Variants in FAM124A observed in about 807,000 individuals in gnomAD.
The protein encoded by FAM124A is family with sequence similarity 124 member A.
A neutral mutation model predicts 24.5 loss-of-function variants in FAM124A; 23 were observed. The ratio of observed to expected loss-of-function variants is 0.94; its 90% CI spans 0.68 to 1.33. The LOEUF is 1.33. Among genes scored for constraint, FAM124A ranks in the 40% most tolerant of loss-of-function variants. The pLI is 0.00. For synonymous variants in FAM124A, 287 were observed against 314.7 expected, an observed-to-expected ratio of 0.91 and a Z score of 0.93; for missense variants, 623 against 722.8, an observed-to-expected ratio of 0.86 and a Z score of 1.58.
At chr13:51,241,482 G>T (rs950666974) in intron 2 of FAM124A, among the ~76,000 whole-genome samples, 5 of 152,178 alleles carry the variant, frequency 3.3e-5, no homozygotes, top group African/African-American at 9.7e-5. Flanking sequence ...AAAGGAGAAA[G>T]CCCTGAACTG....
Position 51,280,591 on chromosome 13 carries a change from C to T in FAM124A, c.976C>T (p.Pro326Ser). ...CAGCCAGCAGTCCCCGCTCAACAGT[C>T]CTCACCCGGGGCCCATCCGGACAGG... is the stretch of plus-strand genomic sequence containing the variant. The part of the protein sequence containing the change: ...GSSQQSPLNS[P>S]HPGPIRTGLP... The change falls in exon 4 of 4, where the codon CCT becomes TCT. Residue 326 changes from proline (P) to serine (S), a missense_variant. Transcript: ENST00000322475. 2 of 1,614,198 alleles carry T rather than the reference C, an allele frequency of 1.2e-6. No individual in the cohort carries two copies. Among genetic ancestry groups the T allele is most frequent in the East Asian group, 2.2e-5 (1 of 44,884 alleles).
chr13:51,274,911 A>G (rs1373030415), intron 3 of FAM124A, among the ~76,000 whole-genome samples: 1 of 152,180 alleles, frequency 6.6e-6, no homozygotes, highest in African/African-American at 2.4e-5. Context: ...AATATCTCCT[A>G]TTTGTTGGAG....
chr13:51,277,810 A>T (rs1435330602), intron 3 of FAM124A, among the ~76,000 whole-genome samples: 1 of 104,250 alleles, frequency 9.6e-6, no homozygotes, highest in Non-Finnish European at 1.8e-5. Context: ...GAGAGAAAGG[A>T]TTCTATCCAT....
rs1954961143 is a variant in FAM124A, at chr13:51,283,742, T to A, written c.*2486T>A. 1 of 105,724 alleles carries A rather than the reference T, an allele frequency of 9.5e-6. No homozygotes were observed. Among genetic ancestry groups the A allele is most frequent in the Non-Finnish European group, 1.8e-5 (1 of 56,726 alleles). 6.5% of individuals were successfully genotyped at this position (105,724 alleles called of 1,614,324 possible). ...ACCTCCAATGAACAGGGAAGCAAGT[T>A]CATCAGTAACAAAAGTCAGTGAGGC... On this transcript the variant is annotated 3_prime_UTR_variant, in exon 4 of 4. Coordinates refer to ENST00000322475, the MANE Select transcript of FAM124A (RefSeq NM_001242312.2).
chr13:51,229,940 G>T (rs1954357194), intron 1 of FAM124A, among the ~76,000 whole-genome samples: 1 of 152,132 alleles, frequency 6.6e-6, no homozygotes. Context: ...GTGCTAGCCA[G>T]TCAATCCCTT....
chr13:51,276,957 G>T (rs545442466), intron 3 of FAM124A, among the ~76,000 whole-genome samples: 1 of 152,210 alleles, frequency 6.6e-6, no homozygotes, highest in Admixed American at 6.5e-5. Flanking sequence ...CAGGGCTCCT[G>T]GGGGAGGGGC....
intron 2 of FAM124A, among the ~76,000 whole-genome samples, chr13:51,240,493 G>A (rs948427421): frequency 1.3e-5 from 2 of 152,160 alleles, no homozygotes; most frequent in Non-Finnish European, 2.9e-5. Flanking sequence ...AGATAATTGG[G>A]CCTTTCTCTA....
chr13:51,246,398 G>A (rs1248468169), intron 2 of FAM124A, among the ~76,000 whole-genome samples: 1 of 125,040 alleles, frequency 8.0e-6, no homozygotes, highest in African/African-American at 2.8e-5. Flanking sequence ...CATGTTTCTC[G>A]TGGGGTGGGG....
rs1327752500 is a variant in FAM124A, at chr13:51,272,888, C to T, written c.835-7562C>T. Among the ~76,000 whole-genome samples, 1 of 152,206 alleles carries T rather than the reference C, an allele frequency of 6.6e-6. No individual in the cohort carries two copies. Among genetic ancestry groups the T allele is most frequent in the African/African-American group, 2.4e-5 (1 of 41,446 alleles). On this transcript the variant is annotated intron_variant, in intron 3 of 3. Coordinates refer to ENST00000322475, the MANE Select transcript of FAM124A (RefSeq NM_001242312.2). The surrounding 1 kb of genome is among the most constrained non-coding windows in gnomAD (Gnocchi z 4.2). Reference sequence around the variant, plus strand: ...ACTGGGAGGCTAGTGGCTGCCAAATCAGACAGCACAGATATTGAACATTTA... The same window carrying T: ...ACTGGGAGGCTAGTGGCTGCCAAATTAGACAGCACAGATATTGAACATTTA...
intron 2 of FAM124A, among the ~76,000 whole-genome samples, chr13:51,239,001 G>A (rs1451130681): frequency 1.3e-5 from 2 of 152,156 alleles, no homozygotes; most frequent in African/African-American, 4.8e-5. Flanking sequence ...ACTCGACAGA[G>A]GGTGTTGATT....
intron 2 of FAM124A, among the ~76,000 whole-genome samples, chr13:51,245,978 C>T (rs935280157): frequency 6.6e-6 from 1 of 152,172 alleles, no homozygotes; most frequent in South Asian, 2.1e-4. Context: ...TCATAGAAGG[C>T]CTGAGCTTGT....
rs561639475 is a variant in FAM124A, at chr13:51,222,783, A to T, written c.68+214A>T. Among the ~76,000 whole-genome samples, 23 of 152,306 alleles carry T rather than the reference A, an allele frequency of 1.5e-4. No homozygotes were observed. In the South Asian group the frequency reaches 4.8e-3, roughly 32 times the overall value. ...AGGAAAGTGGAAGGACTCAAGGTTC[A>T]GTGCAAGCCCACCCATCCTGTGAGG... On this transcript the variant is annotated intron_variant, in intron 1 of 3. Transcript: ENST00000322475.
intron 2 of FAM124A, among the ~76,000 whole-genome samples, chr13:51,244,901 T>C (rs978096274): frequency 2.6e-5 from 4 of 152,188 alleles, no homozygotes; most frequent in African/African-American, 4.8e-5. Flanking sequence ...TAAGCCATGA[T>C]TTCAGAGCCC....
At chr13:51,226,227 G>A (rs1487956057) in intron 1 of FAM124A, among the ~76,000 whole-genome samples, 1 of 151,520 alleles carries the variant, frequency 6.6e-6, no homozygotes, top group Non-Finnish European at 1.5e-5. Context: ...TTAAACTCCT[G>A]GCCTCAAGCA....
intron 3 of FAM124A, among the ~76,000 whole-genome samples, chr13:51,266,575 T>C (rs1440313748): frequency 2.0e-5 from 3 of 152,180 alleles, no homozygotes. Flanking sequence ...TGCAAGTTTA[T>C]AGCAATTGTA....
chr13:51,249,144 C>G (rs1954594921), intron 2 of FAM124A, among the ~76,000 whole-genome samples: 1 of 152,194 alleles, frequency 6.6e-6, no homozygotes, highest in Non-Finnish European at 1.5e-5. Flanking sequence ...TAAACACTTC[C>G]TAATCTCCTC....
rs1185341725 is a variant in FAM124A, at chr13:51,282,269, A to T, written c.*1013A>T. On this transcript the variant is annotated 3_prime_UTR_variant, in exon 4 of 4. Transcript: ENST00000322475. The stretch of plus-strand genomic sequence containing the variant: ...TTGGAACATTTTAGCCAGCATTTTG[A>T]TCACACAGATTAATAATGCTGTTCT... 6.6e-6 allele frequency: 1 copy of T among 152,192 alleles called. No homozygotes were observed. Among genetic ancestry groups the T allele is most frequent in the African/African-American group, 2.4e-5 (1 of 41,454 alleles). The allele number at this position is 152,192 out of a possible 1,614,324, so 9.4% of individuals were successfully genotyped here.
chr13:51,268,490 G>A (rs748399828), intron 3 of FAM124A, among the ~76,000 whole-genome samples: 1 of 152,208 alleles, frequency 6.6e-6, no homozygotes, highest in Non-Finnish European at 1.5e-5. Flanking sequence ...TAAGAAGAGG[G>A]GGAATCCAGT....
At chr13:51,273,648 T>C (rs1227594606) in intron 3 of FAM124A, among the ~76,000 whole-genome samples, 1 of 152,226 alleles carries the variant, frequency 6.6e-6, no homozygotes, top group Non-Finnish European at 1.5e-5. Context: ...GCTAGCATTA[T>C]ACCCTCAGTG....
Sources: gnomAD v4.1 joint callset for allele counts (sites outside exome capture counted in the v4.1 genomes callset) on GRCh38, gnomAD v4.1.1 for gene constraint, Gnocchi (gnomAD v3.1) non-coding constraint, MANE v1.5 for transcripts, NCBI Gene and HGNC (gene_info 2026-07-23, HGNC 2026-07-21) for gene names.